MFHAS1: variants seen among roughly 807,000 people sequenced by gnomAD.
MFHAS1 encodes multifunctional ROCO family signaling regulator 1.
MFHAS1 carries 50 observed loss-of-function variants against 70.4 expected under a neutral mutation model. That is an observed-to-expected ratio of 0.71 (90% CI 0.57 to 0.90). The LOEUF is 0.90. MFHAS1 is among the 40% of genes least tolerant of loss of function. The probability of loss-of-function intolerance (pLI) is 0.00; values close to 1 mark genes in which losing one functional copy is unlikely to be tolerated. For missense variants in MFHAS1, 1,795 were observed against 1,347.6 expected (o/e 1.33, Z -5.20); for synonymous variants, 952 against 620.0 (o/e 1.54, Z -7.96).
At chr8:8,833,044 G>C (rs1401318113) in intron 1 of MFHAS1, among the ~76,000 whole-genome samples, 1 of 152,232 alleles carries the variant, frequency 6.6e-6, no homozygotes, top group African/African-American at 2.4e-5. Context: ...AGAGGGCAAC[G>C]GGGGAGCAGG....
intron 1 of MFHAS1, among the ~76,000 whole-genome samples, chr8:8,801,069 G>A (rs574777720): frequency 6.6e-6 from 1 of 152,116 alleles, no homozygotes; most frequent in Admixed American, 6.5e-5. Flanking sequence ...TAAAAAATTA[G>A]TGGGGCGTGG....
At chr8:8,797,815 A>G (rs1207450846) in intron 1 of MFHAS1, among the ~76,000 whole-genome samples, 1 of 152,194 alleles carries the variant, frequency 6.6e-6, no homozygotes, top group African/African-American at 2.4e-5. Context: ...CTAGATATCA[A>G]CGACTGAGCC....
chr8:8,806,252 C>T lies in MFHAS1; in HGVS notation c.2999-8761G>A, dbSNP rs190614102. Reference sequence around the variant, plus strand: ...TCCAGAGTCCCTGGGGAGTTTCCTTCCCCAAGTGTCCATTACAACACTGGG... The same window carrying T: ...TCCAGAGTCCCTGGGGAGTTTCCTTTCCCAAGTGTCCATTACAACACTGGG... On this transcript the variant is annotated intron_variant, in intron 1 of 2. Transcript: ENST00000276282. Among the ~76,000 whole-genome samples the T allele has an allele frequency of 1.2e-3, 190 of 152,274 alleles. 1 individual carries two copies. Among genetic ancestry groups the T allele is most frequent in the African/African-American group, 4.3e-3 (180 of 41,544 alleles).
chr8:8,831,349 C>T (rs1429594955), intron 1 of MFHAS1, among the ~76,000 whole-genome samples: 2 of 151,922 alleles, frequency 1.3e-5, no homozygotes, highest in Admixed American at 1.3e-4. Flanking sequence ...TTCATTTTTC[C>T]AATATGAGTA....
intron 1 of MFHAS1, among the ~76,000 whole-genome samples, chr8:8,872,394 G>A (rs1023894433): frequency 1.5e-4 from 23 of 152,124 alleles, no homozygotes; most frequent in African/African-American, 4.8e-4. Flanking sequence ...AAAAGGGGAC[G>A]GCAGGAGGAT....
At chr8:8,832,883 G>T (rs11995244) in intron 1 of MFHAS1, among the ~76,000 whole-genome samples, 138,299 of 152,212 alleles carry the variant, frequency 0.91, 63,514 homozygotes, top group South Asian at 0.99. Flanking sequence ...GAATTGTGTA[G>T]TAGCCCATTC....
chr8:8,839,439 C>T (rs1026247415), intron 1 of MFHAS1, among the ~76,000 whole-genome samples: 1 of 152,120 alleles, frequency 6.6e-6, no homozygotes, highest in Non-Finnish European at 1.5e-5. Flanking sequence ...AACCAGATGG[C>T]CCCTTTAACA....
chr8:8,868,317 T>C (rs1195697662), intron 1 of MFHAS1, among the ~76,000 whole-genome samples: 1 of 151,498 alleles, frequency 6.6e-6, no homozygotes, highest in African/African-American at 2.4e-5. Flanking sequence ...TTTCGGCTAA[T>C]AATATAGACA....
chr8:8,869,552 TAAGAC>T (rs1001753379), intron 1 of MFHAS1, among the ~76,000 whole-genome samples: 1 of 152,196 alleles, frequency 6.6e-6, no homozygotes, highest in African/African-American at 2.4e-5. Flanking sequence ...CTTACAAACC[TAAGAC>T]TATATATCTC....
intron 1 of MFHAS1, among the ~76,000 whole-genome samples, chr8:8,879,650 C>A (rs1454246365): frequency 6.6e-6 from 1 of 152,128 alleles, no homozygotes; most frequent in South Asian, 2.1e-4. Flanking sequence ...AGGGTTCCCC[C>A]CAAAGTAACA....
chr8:8,792,829 A>G (rs994277808), intron 2 of MFHAS1, among the ~76,000 whole-genome samples: 2 of 152,236 alleles, frequency 1.3e-5, no homozygotes, highest in African/African-American at 4.8e-5. Flanking sequence ...ACATCAATAA[A>G]GCTTTTAAAA....
At chr8:8,857,017 A>C (rs964035176) in intron 1 of MFHAS1, among the ~76,000 whole-genome samples, 1 of 149,146 alleles carries the variant, frequency 6.7e-6, no homozygotes, top group Non-Finnish European at 1.5e-5. Flanking sequence ...AAGAGGAGAG[A>C]TACCGAAAGA....
chr8:8,852,782 C>T (rs758548293), intron 1 of MFHAS1, among the ~76,000 whole-genome samples: 1 of 152,194 alleles, frequency 6.6e-6, no homozygotes, highest in Non-Finnish European at 1.5e-5. Flanking sequence ...CCATGCAAAG[C>T]TCTAGCTTGG....
chr8:8,870,594 T>G (rs975692535), intron 1 of MFHAS1, among the ~76,000 whole-genome samples: 4 of 151,996 alleles, frequency 2.6e-5, no homozygotes, highest in African/African-American at 9.7e-5. Context: ...TTACAGAAAG[T>G]CCCTACGACT....
intron 1 of MFHAS1, among the ~76,000 whole-genome samples, chr8:8,837,411 G>A (rs76199123): frequency 0.02 from 3,041 of 152,264 alleles, 99 homozygotes; most frequent in African/African-American, 0.069. Context: ...GAGGCAAGGC[G>A]GGCGGATCAC....
chr8:8,869,987 C>T (rs1445820282), intron 1 of MFHAS1, among the ~76,000 whole-genome samples: 3 of 152,170 alleles, frequency 2.0e-5, no homozygotes, highest in African/African-American at 7.2e-5. Context: ...ATCTTCCACA[C>T]TGCTGCCCTG....
chr8:8,786,703 G>GTTA (rs1805555774), intron 2 of MFHAS1, among the ~76,000 whole-genome samples: 1 of 147,678 alleles, frequency 6.8e-6, no homozygotes, highest in African/African-American at 2.5e-5. Flanking sequence ...TTTGAAAGTG[G>GTTA]TTTTTTTTTT....
intron 1 of MFHAS1, among the ~76,000 whole-genome samples, chr8:8,876,693 G>C (rs1206213783): frequency 6.6e-6 from 1 of 151,790 alleles, no homozygotes; most frequent in Non-Finnish European, 1.5e-5. Flanking sequence ...TTTTTATAAA[G>C]GGGAAAAAGT....
At chr8:8,802,475 A>G (rs548434051) in intron 1 of MFHAS1, among the ~76,000 whole-genome samples, 3 of 152,350 alleles carry the variant, frequency 2.0e-5, no homozygotes, top group Non-Finnish European at 2.9e-5. Context: ...AGCGCATGTG[A>G]GGACATGGCG....
Sources: gnomAD v4.1 joint callset for allele counts (sites outside exome capture counted in the v4.1 genomes callset) on GRCh38, gnomAD v4.1.1 for gene constraint, MANE v1.5 for transcripts, NCBI Gene and HGNC (gene_info 2026-07-23, HGNC 2026-07-21) for gene names.